The following FSD1 variants were observed in gnomAD, a reference collection of about 807,000 sequenced individuals.
FSD1 encodes fibronectin type III and SPRY domain-containing protein 1.
Under a neutral mutation model 58.2 loss-of-function variants are expected in FSD1, and 23 were observed. The ratio of observed to expected loss-of-function variants is 0.40; its 90% CI spans 0.28 to 0.56. The LOEUF is 0.56. Among genes scored for constraint, FSD1 ranks in the 20% least tolerant of loss-of-function variants. FSD1 has a pLI of 0.54. For synonymous variants in FSD1, 265 were observed against 263.4 expected, an observed-to-expected ratio of 1.01 and a Z score of -0.06; for missense variants, 563 against 670.8, an observed-to-expected ratio of 0.84 and a Z score of 1.78.
intron 7 of FSD1, among the ~76,000 whole-genome samples, chr19:4,312,607 T>G (rs775586621): frequency 1.3e-5 from 2 of 151,344 alleles, no homozygotes; most frequent in Admixed American, 1.3e-4. Context: ...ATCGAGACCA[T>G]CCTGGCTAAC....
At chr19:4,310,746 G>C in intron 6 of FSD1, 150 bp downstream of exon 6, 1 of 858,584 alleles carries the variant, frequency 1.2e-6, no homozygotes, top group Non-Finnish European at 1.8e-6. Context: ...CACGCCCTGT[G>C]GGGGGTGGAG....
At chr19:4,318,179 C>T (rs755430195) in intron 8 of FSD1, among the ~76,000 whole-genome samples, 167 bp from the exon 9 acceptor site, 9 of 151,496 alleles carry the variant, frequency 5.9e-5, no homozygotes, top group Non-Finnish European at 1.2e-4. Flanking sequence ...CTGTCTCTCT[C>T]CGAGGCTTCG....
chr19:4,322,977 G>T lies in FSD1; in HGVS notation c.1040-9G>T. 1 of 1,606,310 alleles carries T rather than the reference G, an allele frequency of 6.2e-7. No individual in the cohort carries two copies. Among genetic ancestry groups the T allele is most frequent in the South Asian group, 1.1e-5 (1 of 90,278 alleles). On this transcript the variant is annotated splice_polypyrimidine_tract_variant and intron_variant, in intron 10 of 12. Coordinates refer to ENST00000221856, the MANE Select transcript of FSD1 (RefSeq NM_024333.3). ...TTCCCCTGCCCACCCCTCCTGCCCTGCGCCACAGGGGACACGCTGATCGAC... is the reference window on the plus strand; with the variant it reads ...TTCCCCTGCCCACCCCTCCTGCCCTTCGCCACAGGGGACACGCTGATCGAC...
At chr19:4,319,009 G>A (rs958987883) in intron 10 of FSD1, 58 bp downstream of exon 10, 6 of 1,357,534 alleles carry the variant, frequency 4.4e-6, no homozygotes, top group African/African-American at 4.3e-5. Flanking sequence ...CTAATGGTGG[G>A]GGTTGAGGGA....
intron 10 of FSD1, among the ~76,000 whole-genome samples, chr19:4,321,760 T>C (rs1971821089): frequency 7.1e-6 from 1 of 139,980 alleles, no homozygotes; most frequent in Non-Finnish European, 1.5e-5. Context: ...GCCCAAGGAG[T>C]ATCTGAGGGG....
At chr19:4,310,701 A>T in intron 6 of FSD1, 105 bp downstream of exon 6, 1 of 1,331,246 alleles carries the variant, frequency 7.5e-7, no homozygotes, top group Non-Finnish European at 1.0e-6. Flanking sequence ...CCGGTGTCTG[A>T]ATTCCGCCTG....
chr19:4,305,960 G>A lies in FSD1; in HGVS notation c.30G>A (p.Lys10=). 2 of 1,614,004 alleles carry A rather than the reference G, an allele frequency of 1.2e-6. No homozygotes were observed. The highest frequency in any genetic ancestry group is 1.7e-6 in the Non-Finnish European group (2 of 1,179,846). Residue 10 remains lysine (K), a synonymous_variant, in exon 2 of 13, where the codon AAG becomes AAA. Coordinates refer to ENST00000221856, the MANE Select transcript of FSD1 (RefSeq NM_024333.3). MEEQREALR[K]IIKTLAVKNE... is the part of the protein sequence containing the mutation. Reference sequence around the variant, plus strand: ...TGGTGGTGCAGGAGGCCCTGAGGAAGATCATCAAAACACTGGCTGTGAAGA... The same window carrying A: ...TGGTGGTGCAGGAGGCCCTGAGGAAAATCATCAAAACACTGGCTGTGAAGA...
In FSD1 at chr19:4,312,043, C is replaced by A. The variant is rs1971699108; in HGVS notation, c.692C>A (p.Thr231Asn). ...GAGGGCATCCGGCAGACAGAGTACACCCTGACAGGTAAGGGCAGTGTGTGC... is the reference window on the plus strand; with the variant it reads ...GAGGGCATCCGGCAGACAGAGTACAACCTGACAGGTAAGGGCAGTGTGTGC... ...VIEGIRQTEY[T>N]LTGLKFDMKY... Residue 231 changes from threonine to asparagine, a missense_variant, in exon 7 of 13, where the codon ACC (threonine) becomes AAC (asparagine). Transcript: ENST00000221856. 6.2e-7 allele frequency: 1 copy of A among 1,605,982 alleles called. No individual in the cohort carries two copies. Among genetic ancestry groups the A allele is most frequent in the Non-Finnish European group, 8.5e-7 (1 of 1,179,352 alleles).
chr19:4,314,488 CTTT>C (rs1198326761), intron 7 of FSD1, among the ~76,000 whole-genome samples: 4 of 137,850 alleles, frequency 2.9e-5, no homozygotes, highest in Non-Finnish European at 3.2e-5. Flanking sequence ...CACATTCTAC[CTTT>C]TTTTTTTTTT....
In FSD1 at chr19:4,304,723, G is replaced by C. The variant is rs1166389501; in HGVS notation, c.-24G>C. The C allele has an allele frequency of 5.9e-5, 72 of 1,223,792 alleles. No homozygotes were observed. The highest frequency in any genetic ancestry group is 7.3e-5 in the Non-Finnish European group (72 of 980,976). 75.8% of individuals were successfully genotyped at this position (1,223,792 alleles called of 1,614,324 possible). On this transcript the variant is annotated 5_prime_UTR_variant, in exon 1 of 13. Transcript: ENST00000221856. ...AGCGTGCGCGGGGCCCGCGGGCCGG[G>C]CCGGGGTGACCTGGGCTGCAGCCAT... is the stretch of plus-strand genomic sequence containing the variant.
At chr19:4,319,016 G>C (rs1801721810) in intron 10 of FSD1, 65 bp downstream of exon 10, 1 of 1,299,218 alleles carries the variant, frequency 7.7e-7, no homozygotes, top group Admixed American at 1.7e-5. Context: ...TGGGGGTTGA[G>C]GGAGAACCTT....
chr19:4,310,445 C>A (rs1971675845), intron 5 of FSD1, 30 bp from the exon 6 acceptor site: 1 of 1,606,270 alleles, frequency 6.2e-7, no homozygotes, highest in Non-Finnish European at 8.5e-7. Context: ...CCTGGTCCCC[C>A]ACGCAACGCC....
chr19:4,316,296 A>G (rs1224879085), intron 7 of FSD1, among the ~76,000 whole-genome samples: 1 of 151,772 alleles, frequency 6.6e-6, no homozygotes, highest in East Asian at 1.9e-4. Context: ...ATCTTGGCTC[A>G]CTGCAACCTC....
At chr19:4,315,860 C>G (rs1216581461) in intron 7 of FSD1, among the ~76,000 whole-genome samples, 2 of 150,832 alleles carry the variant, frequency 1.3e-5, no homozygotes, top group African/African-American at 4.9e-5. Flanking sequence ...AACTCCTGAC[C>G]TCAGGTGATC....
At position 4,312,054 on chromosome 19, in the gene FSD1, A is replaced by G; in HGVS notation, c.700+3A>G. The stretch of plus-strand genomic sequence containing the variant: ...GCAGACAGAGTACACCCTGACAGGT[A>G]AGGGCAGTGTGTGCCAGCTCCGCCC... On this transcript the variant is annotated splice_donor_region_variant and intron_variant, in intron 7 of 12. Coordinates refer to ENST00000221856, the MANE Select transcript of FSD1 (RefSeq NM_024333.3). 6.3e-7 allele frequency: 1 copy of G among 1,599,822 alleles called. No homozygotes were observed. Among genetic ancestry groups the G allele is most frequent in the Non-Finnish European group, 8.5e-7 (1 of 1,176,494 alleles).
At chr19:4,305,449 C>G (rs1384739322) in intron 1 of FSD1, among the ~76,000 whole-genome samples, 2 of 151,914 alleles carry the variant, frequency 1.3e-5, no homozygotes, top group Non-Finnish European at 2.9e-5. Flanking sequence ...AGACATCCTT[C>G]TCCTCTGGGG....
chr19:4,318,229 C>A, intron 8 of FSD1, 117 bp from the exon 9 acceptor site: 1 of 1,341,120 alleles, frequency 7.5e-7, no homozygotes, highest in Non-Finnish European at 1.0e-6. Context: ...ATCTCCTTGG[C>A]TCTTTGATTC....
At position 4,307,908 on chromosome 19, in the gene FSD1, C is replaced by G. The variant is rs754748506; in HGVS notation, c.270C>G (p.Ala90=). Residue 90 remains alanine, a synonymous_variant, in exon 4 of 13, where the codon GCC becomes GCG. Transcript: ENST00000221856. ...LQNQLAACTR[A]LESSEELLET... Reference sequence around the variant, plus strand: ...ACCAGCTGGCTGCCTGCACGCGGGCCCTGGAGAGCTCCGAGGAGCTTCTGG... The same window carrying G: ...ACCAGCTGGCTGCCTGCACGCGGGCGCTGGAGAGCTCCGAGGAGCTTCTGG... 6.2e-7 allele frequency: 1 copy of G among 1,613,690 alleles called. No individual in the cohort carries two copies. The highest frequency in any genetic ancestry group is 1.1e-5 in the South Asian group (1 of 91,014).
At chr19:4,317,703 A>G (rs1377402126) in intron 8 of FSD1, among the ~76,000 whole-genome samples, 3 of 152,188 alleles carry the variant, frequency 2.0e-5, no homozygotes, top group Non-Finnish European at 4.4e-5. Flanking sequence ...ATGGAAGCAC[A>G]GGGTAGTGCA....
Sources: gnomAD v4.1 joint callset for allele counts (sites outside exome capture counted in the v4.1 genomes callset) on GRCh38, gnomAD v4.1.1 for gene constraint, MANE v1.5 for transcripts, NCBI Gene and HGNC (gene_info 2026-07-23, HGNC 2026-07-21) for gene names.